Variants in PTPRT observed in about 807,000 individuals in gnomAD.
The protein encoded by PTPRT is protein tyrosine phosphatase receptor type T.
PTPRT carries 56 observed loss-of-function variants against 176.8 expected under a neutral mutation model. That is an observed-to-expected ratio of 0.32 (90% CI 0.26 to 0.40). The LOEUF (loss-of-function observed/expected upper bound fraction) is 0.40. Ranked by LOEUF, PTPRT falls within the 10% of genes least tolerant of loss-of-function variation. The pLI, the probability that PTPRT is intolerant of heterozygous loss-of-function variation, is 1.00. For missense variants in PTPRT, 1,540 were observed against 1,908.2 expected (o/e 0.81, Z 3.60); for synonymous variants, 783 against 739.0 (o/e 1.06, Z -0.96).
intron 6 of PTPRT, among the ~76,000 whole-genome samples, chr20:42,700,810 A>G (rs370026676): frequency 6.6e-6 from 1 of 152,062 alleles, no homozygotes; most frequent in African/African-American, 2.4e-5. Flanking sequence ...TCCACCTACT[A>G]TAACTGGAGA....
rs2015470378 is a variant in PTPRT, at chr20:43,189,043, A to G, written c.88+603T>C. 6.6e-6 allele frequency among the ~76,000 whole-genome samples: 1 copy of G among 152,234 alleles called. No homozygotes were observed. The highest frequency in any genetic ancestry group is 6.5e-5 in the Admixed American group (1 of 15,290). ...CGCCCAGCTACCTCGGAGAAAAGCC[A>G]GCGGGTAGGGCGGAGGTATTGCTCT... is the stretch of plus-strand genomic sequence containing the variant. On this transcript the variant is annotated intron_variant, in intron 1 of 30. Coordinates refer to ENST00000373187, the MANE Select transcript of PTPRT (RefSeq NM_007050.6). The surrounding 1 kb of genome is among the most constrained non-coding windows in gnomAD (Gnocchi z 5.0).
chr20:42,120,708 A>T (rs1428539846), intron 19 of PTPRT, among the ~76,000 whole-genome samples: 1 of 152,226 alleles, frequency 6.6e-6, no homozygotes, highest in Non-Finnish European at 1.5e-5. Context: ...TTTTGCCTGG[A>T]CATGGCATAC....
At chr20:42,927,516 C>G (rs1390131272) in intron 1 of PTPRT, among the ~76,000 whole-genome samples, 1 of 151,930 alleles carries the variant, frequency 6.6e-6, no homozygotes, top group Non-Finnish European at 1.5e-5. Flanking sequence ...GAGCCAGGAT[C>G]GCATCACTGC....
At chr20:42,831,211 C>A (rs188473913) in intron 2 of PTPRT, among the ~76,000 whole-genome samples, 33 of 152,172 alleles carry the variant, frequency 2.2e-4, no homozygotes, top group African/African-American at 7.5e-4. Context: ...ATAGAAAGCC[C>A]AGAAGTAAGG....
intron 7 of PTPRT, among the ~76,000 whole-genome samples, chr20:42,516,307 C>T (rs914708090): frequency 6.6e-6 from 1 of 151,640 alleles, no homozygotes; most frequent in East Asian, 1.9e-4. Context: ...GATATGAGAA[C>T]CATCTTAACC....
intron 14 of PTPRT, among the ~76,000 whole-genome samples, chr20:42,246,428 G>A (rs1292895941): frequency 1.3e-5 from 2 of 152,162 alleles, no homozygotes; most frequent in Admixed American, 6.5e-5. Flanking sequence ...AACATGCAAT[G>A]CCCAGGTTTT....
intron 1 of PTPRT, among the ~76,000 whole-genome samples, chr20:42,991,443 C>T (rs555389848): frequency 2.7e-5 from 4 of 150,516 alleles, no homozygotes; most frequent in East Asian, 1.9e-4. Context: ...AAAAAAGAAA[C>T]GTATTTATAT....
chr20:42,055,140 G>T, the PTPRT span, among the ~76,000 whole-genome samples: 1 of 152,212 alleles, frequency 6.6e-6, no homozygotes, highest in Non-Finnish European at 1.5e-5. Context: ...GAGTATTCCA[G>T]TGAGCAGGTG....
chr20:43,092,554 C>T (rs749252783), intron 1 of PTPRT, among the ~76,000 whole-genome samples: 16 of 152,176 alleles, frequency 1.1e-4, no homozygotes, highest in African/African-American at 1.7e-4. Flanking sequence ...CTCAGCTTCC[C>T]AAACATACGA....
At chr20:43,026,021 T>G (rs1196122890) in intron 1 of PTPRT, among the ~76,000 whole-genome samples, 2 of 152,184 alleles carry the variant, frequency 1.3e-5, no homozygotes, top group Non-Finnish European at 2.9e-5. Context: ...GCCTAACTGT[T>G]CTGGGATGAA....
the PTPRT span, among the ~76,000 whole-genome samples, chr20:42,052,615 G>T: frequency 2.0e-5 from 3 of 152,158 alleles, no homozygotes; most frequent in South Asian, 6.2e-4. Flanking sequence ...TATGCCGTTG[G>T]TATCCACCTC....
At chr20:42,727,840 C>A (rs1007892541) in intron 6 of PTPRT, among the ~76,000 whole-genome samples, 1 of 152,136 alleles carries the variant, frequency 6.6e-6, no homozygotes, top group African/African-American at 2.4e-5. Context: ...TTAGCTTGGT[C>A]AAATCAGACC....
intron 1 of PTPRT, among the ~76,000 whole-genome samples, chr20:43,105,481 A>AC (rs1410687259): frequency 2.6e-5 from 4 of 151,714 alleles, no homozygotes; most frequent in African/African-American, 9.7e-5. Flanking sequence ...GCTCACTGCA[A>AC]CCTCCACCTC....
chr20:43,025,211 A>G (rs186177209), intron 1 of PTPRT, among the ~76,000 whole-genome samples: 1 of 152,368 alleles, frequency 6.6e-6, no homozygotes, highest in East Asian at 1.9e-4. Flanking sequence ...TTTAATGATT[A>G]AAAGAAGTAT....
intron 7 of PTPRT, among the ~76,000 whole-genome samples, chr20:42,576,360 G>A (rs1056745175): frequency 2.0e-5 from 3 of 152,194 alleles, no homozygotes; most frequent in Non-Finnish European, 4.4e-5. Flanking sequence ...GAAGGGAGTC[G>A]TGTTCAGCAA....
intron 11 of PTPRT, among the ~76,000 whole-genome samples, chr20:42,349,414 T>C (rs2058244055): frequency 6.6e-6 from 1 of 152,190 alleles, no homozygotes; most frequent in African/African-American, 2.4e-5. Flanking sequence ...CAGCTCAGTG[T>C]CCCCACTGGG....
At chr20:43,029,621 C>A (rs1012643309) in intron 1 of PTPRT, among the ~76,000 whole-genome samples, 9 of 152,194 alleles carry the variant, frequency 5.9e-5, no homozygotes, top group African/African-American at 1.7e-4. Flanking sequence ...TTTCTATCTG[C>A]CCCTGCCATT....
intron 28 of PTPRT, 67 bp downstream of exon 28, chr20:42,085,659 CCT>C (rs763733612): frequency 1.2e-4 from 184 of 1,594,556 alleles, no homozygotes; most frequent in Middle Eastern, 4.5e-4. Flanking sequence ...TCAGCGGGAT[CCT>C]CTCTCGGCAG....
intron 16 of PTPRT, among the ~76,000 whole-genome samples, chr20:42,176,330 T>C (rs961068649): frequency 2.6e-5 from 4 of 152,134 alleles, no homozygotes; most frequent in Non-Finnish European, 5.9e-5. Context: ...CCTTGGTGAG[T>C]GTGGGGAGGT....
Sources: gnomAD v4.1 joint callset for allele counts (sites outside exome capture counted in the v4.1 genomes callset) on GRCh38, gnomAD v4.1.1 for gene constraint, Gnocchi (gnomAD v3.1) non-coding constraint, MANE v1.5 for transcripts, NCBI Gene and HGNC (gene_info 2026-07-23, HGNC 2026-07-21) for gene names.